The following ZDHHC6 variants were observed in gnomAD, a reference collection of about 807,000 sequenced individuals.
ZDHHC6 encodes the protein zDHHC palmitoyltransferase 6.
ZDHHC6 carries 32 observed loss-of-function variants against 57.8 expected under a neutral mutation model. The ratio of observed to expected loss-of-function variants is 0.55; its 90% CI spans 0.42 to 0.74. The LOEUF (loss-of-function observed/expected upper bound fraction) is 0.74, where lower values mean the gene tolerates loss of function less well. ZDHHC6 is among the 30% of genes least tolerant of loss of function. The pLI, the probability that ZDHHC6 is intolerant of heterozygous loss-of-function variation, is 0.00. For missense variants in ZDHHC6, 433 were observed against 500.7 expected (o/e 0.86, Z 1.29); for synonymous variants, 128 against 158.0 (o/e 0.81, Z 1.42).
In ZDHHC6 at chr10:112,445,398, T is replaced by C. The variant is rs900750746; in HGVS notation, c.39A>G (p.Leu13=). 13 of 1,614,086 alleles carry C rather than the reference T, an allele frequency of 8.1e-6. No homozygotes were observed. Among genetic ancestry groups the C allele is most frequent in the African/African-American group, 1.3e-5 (1 of 74,934 alleles). The change falls in exon 2 of 11, where the codon CTA becomes CTG. Residue 13 remains leucine, a synonymous_variant. Transcript: ENST00000369405. ...TFCSVIKFEN[L]QELKRLCHWG... is the part of the protein sequence containing the mutation. ...AGTGACACAGTCTCTTTAATTCTTG[T>C]AGATTTTCAAACTTGATAACCGAAC...
At chr10:112,438,506 G>A (rs1471282652) in intron 5 of ZDHHC6, 117 bp from the exon 6 acceptor site, 2 of 822,776 alleles carry the variant, frequency 2.4e-6, no homozygotes, top group East Asian at 4.1e-5. Context: ...AAGATACCAA[G>A]GATAACAGAG....
rs1327962479 is a variant in ZDHHC6, at chr10:112,443,508, C to T, written c.359+7G>A. On this transcript the variant is annotated splice_region_variant and intron_variant, in intron 3 of 10. Transcript: ENST00000369405. ...AGTCCTCGCTGAACAGCAAGAAAGA[C>T]AGGTACCTGTTACACTTTCTGCAGT... The T allele has an allele frequency of 6.2e-7, 1 of 1,613,264 alleles. No homozygotes were observed. Among genetic ancestry groups the T allele is most frequent in the South Asian group, 1.1e-5 (1 of 90,964 alleles).
chr10:112,437,670 T>TAAGA (rs1361642627), intron 6 of ZDHHC6, among the ~76,000 whole-genome samples: 1 of 152,224 alleles, frequency 6.6e-6, no homozygotes, highest in African/African-American at 2.4e-5. Flanking sequence ...ATGCTATTCT[T>TAAGA]CTCCCTATTT....
chr10:112,438,522 G>C, intron 5 of ZDHHC6, 133 bp from the exon 6 acceptor site: 2 of 695,698 alleles, frequency 2.9e-6, no homozygotes, highest in Non-Finnish European at 2.1e-6. Context: ...CAGAGGTTAA[G>C]TACCACAATT....
chr10:112,443,162 G>C (rs947688724), intron 3 of ZDHHC6, among the ~76,000 whole-genome samples: 3 of 152,150 alleles, frequency 2.0e-5, no homozygotes, highest in African/African-American at 7.2e-5. Context: ...TTTAGACTCA[G>C]AACAATTCTA....
At chr10:112,428,774 A>C (rs932635136), downstream of ZDHHC6, among the ~76,000 whole-genome samples, 1 of 151,968 alleles carries the variant, frequency 6.6e-6, no homozygotes, top group Non-Finnish European at 1.5e-5. Context: ...CTGTCTCAAA[A>C]AAAAAAAACA....
chr10:112,427,435 G>T, downstream of ZDHHC6: 2 of 1,387,274 alleles, frequency 1.4e-6, no homozygotes, highest in Non-Finnish European at 1.9e-6. Context: ...TCTTACATTT[G>T]TTTTGCCTTT....
Position 112,445,266 on chromosome 10 carries a change from A to G in ZDHHC6, c.171T>C (p.Asn57=). 1 of 1,614,204 alleles carries G rather than the reference A, an allele frequency of 6.2e-7. No individual in the cohort carries two copies. The highest frequency in any genetic ancestry group is 8.5e-7 in the Non-Finnish European group (1 of 1,180,032). The change falls in exon 2 of 11, where the codon AAT becomes AAC. Residue 57 remains asparagine (N), a synonymous_variant. Coordinates refer to ENST00000369405, the MANE Select transcript of ZDHHC6 (RefSeq NM_022494.3). ...WPLHTTGGSV[N]FIMLINWTVM... is the part of the protein sequence containing the mutation. Reference sequence around the variant, plus strand: ...CAGTCCAATTTATCAACATGATGAAATTCACACTTCCTCCAGTTGTATGTA... The same window carrying G: ...CAGTCCAATTTATCAACATGATGAAGTTCACACTTCCTCCAGTTGTATGTA...
chr10:112,431,381 T>G (rs1035113165), intron 10 of ZDHHC6, among the ~76,000 whole-genome samples: 1 of 152,076 alleles, frequency 6.6e-6, no homozygotes, highest in African/African-American at 2.4e-5. Flanking sequence ...TGGCACGATC[T>G]CAGATTACTG....
intron 2 of ZDHHC6, among the ~76,000 whole-genome samples, chr10:112,444,838 G>C (rs531539818): frequency 1.3e-5 from 2 of 152,048 alleles, no homozygotes; most frequent in South Asian, 2.1e-4. Flanking sequence ...CATGAAAAAA[G>C]GTACTACAGC....
downstream of ZDHHC6, chr10:112,427,122 T>C: frequency 7.7e-7 from 1 of 1,300,232 alleles, no homozygotes; most frequent in South Asian, 1.4e-5. Flanking sequence ...ACCCTTTCAC[T>C]GCATCAACCT....
chr10:112,442,164 AT>A (rs1846176029), intron 4 of ZDHHC6, 27 bp downstream of exon 4: 1 of 1,580,610 alleles, frequency 6.3e-7, no homozygotes, highest in African/African-American at 1.4e-5. Flanking sequence ...GGATGATTTT[AT>A]AACAAAACAT....
intron 6 of ZDHHC6, among the ~76,000 whole-genome samples, chr10:112,435,937 C>T (rs938826241): frequency 2.0e-5 from 3 of 151,906 alleles, no homozygotes; most frequent in African/African-American, 7.3e-5. Context: ...GAAAAGGGAA[C>T]AAAGGAAACA....
rs140232440 is a variant in ZDHHC6 at position 112,434,297 on chromosome 10, T to C, written c.903A>G (p.Thr301=). ...VREGCHQYSL[T]IEQLKQKADK... ...GGGCTATTTGAACAAAAATACTCAC[T>C]GTTAAGCTGTATTGGTGACAGCCTT... Residue 301 remains threonine (T), a splice_region_variant and synonymous_variant, in exon 7 of 11, where the codon ACA becomes ACG. Coordinates refer to ENST00000369405, the MANE Select transcript of ZDHHC6 (RefSeq NM_022494.3). 2.2e-3 allele frequency: 3,479 copies of C among 1,603,166 alleles called. 8 individuals are homozygous for C. The highest frequency in any genetic ancestry group is 2.8e-3 in the Non-Finnish European group (3,254 of 1,175,230).
intron 6 of ZDHHC6, among the ~76,000 whole-genome samples, chr10:112,436,200 T>C (rs1279996136): frequency 6.6e-6 from 1 of 152,066 alleles, no homozygotes; most frequent in Non-Finnish European, 1.5e-5. Flanking sequence ...GTCCGCCAGG[T>C]GCAGTGGCTC....
At chr10:112,441,330 C>T (rs779743190) in intron 4 of ZDHHC6, among the ~76,000 whole-genome samples, 8 of 152,196 alleles carry the variant, frequency 5.3e-5, no homozygotes, top group Non-Finnish European at 8.8e-5. Context: ...TTTCTCTTCT[C>T]TTGCTATTCT....
At position 112,443,529 on chromosome 10, in the gene ZDHHC6, GCA is replaced by G; in HGVS notation, c.343_344del (p.Cys115GlnfsTer4). On this transcript the variant is annotated frameshift_variant, in exon 3 of 11. Coordinates refer to ENST00000369405, the MANE Select transcript of ZDHHC6 (RefSeq NM_022494.3). LOFTEE classifies it high-confidence loss of function. ...QAYKAPRSHH[C>X]RKCNRCVMKM... is the part of the protein sequence containing the mutation. ...AAGACAGGTACCTGTTACACTTTCT[GCA>G]GTGATGTGAACGTGGTGCCTTGTAT... is the stretch of plus-strand genomic sequence containing the variant. 6.2e-7 allele frequency: 1 copy of G among 1,613,858 alleles called. No individual in the cohort carries two copies. Among genetic ancestry groups the G allele is most frequent in the Non-Finnish European group, 8.5e-7 (1 of 1,179,802 alleles).
chr10:112,436,246 G>A (rs914401425), intron 6 of ZDHHC6, among the ~76,000 whole-genome samples: 2 of 152,174 alleles, frequency 1.3e-5, no homozygotes, highest in Admixed American at 6.5e-5. Flanking sequence ...AGGCCAAGGC[G>A]GGTGGATTAC....
downstream of ZDHHC6, among the ~76,000 whole-genome samples, chr10:112,428,901 T>C (rs565662181): frequency 1.6e-4 from 25 of 152,362 alleles, no homozygotes; most frequent in African/African-American, 5.5e-4. Flanking sequence ...GATTCTAGTC[T>C]GCGAACAGGT....
Sources: allele counts gnomAD v4.1 joint callset (sites outside exome capture counted in the v4.1 genomes callset), GRCh38; gene constraint gnomAD v4.1.1; transcripts MANE v1.5; gene names NCBI Gene and HGNC (gene_info 2026-07-23, HGNC 2026-07-21).